Variants in CSMD1 observed in about 807,000 individuals in gnomAD.
The protein encoded by CSMD1 is CUB and Sushi multiple domains 1.
CSMD1 carries 213 observed loss-of-function variants against 417.5 expected under a neutral mutation model. That is an observed-to-expected ratio of 0.51 (90% CI 0.46 to 0.57). The LOEUF (loss-of-function observed/expected upper bound fraction) is 0.57. Ranked by LOEUF, CSMD1 falls within the 20% of genes least tolerant of loss-of-function variation. The probability of loss-of-function intolerance (pLI) is 0.00; values close to 1 mark genes in which losing one functional copy is unlikely to be tolerated. For missense variants in CSMD1, 6,923 were observed against 4,529.7 expected (o/e 1.53, Z -15.17); for synonymous variants, 2,862 against 1,736.8 (o/e 1.65, Z -16.11).
At chr8:4,259,161 C>G (rs935456723) in intron 3 of CSMD1, among the ~76,000 whole-genome samples, 2 of 152,132 alleles carry the variant, frequency 1.3e-5, no homozygotes, top group Non-Finnish European at 2.9e-5. Flanking sequence ...ATCTCACACA[C>G]GAAGCTAAGG....
intron 10 of CSMD1, among the ~76,000 whole-genome samples, chr8:3,505,804 T>A (rs1277766758): frequency 6.6e-6 from 1 of 152,150 alleles, no homozygotes; most frequent in East Asian, 1.9e-4. Context: ...TTTACAGATT[T>A]TTAAATGTCT....
intron 3 of CSMD1, among the ~76,000 whole-genome samples, chr8:4,286,827 G>A (rs1585161417): frequency 6.6e-6 from 1 of 152,252 alleles, no homozygotes; most frequent in South Asian, 2.1e-4. Flanking sequence ...TCTTTCAGTT[G>A]CTGTTGCTGT....
chr8:4,119,255 A>C (rs963357790), intron 3 of CSMD1, among the ~76,000 whole-genome samples: 12 of 152,160 alleles, frequency 7.9e-5, no homozygotes, highest in Non-Finnish European at 2.9e-5. Flanking sequence ...CTTAAAGTAA[A>C]ATTAAAAAAA....
intron 3 of CSMD1, among the ~76,000 whole-genome samples, chr8:4,268,763 C>G (rs1200876830): frequency 6.6e-6 from 1 of 151,596 alleles, no homozygotes; most frequent in Non-Finnish European, 1.5e-5. Flanking sequence ...AAAAAAAAAC[C>G]CACAAATATC....
intron 3 of CSMD1, among the ~76,000 whole-genome samples, chr8:4,177,551 C>G (rs1472661899): frequency 6.6e-6 from 1 of 151,950 alleles, no homozygotes; most frequent in Non-Finnish European, 1.5e-5. Context: ...ACATTCAAAG[C>G]TAGCAGAAGG....
At position 3,527,583 on chromosome 8, in the gene CSMD1, T is replaced by C. The variant is rs558550832; in HGVS notation, c.1345-33857A>G. Among the ~76,000 whole-genome samples, 24 of 151,880 alleles carry C rather than the reference T, an allele frequency of 1.6e-4. 1 individual carries two copies. The South Asian group carries it at 2.9e-3, about 18-fold the overall frequency. On this transcript the variant is annotated intron_variant, in intron 10 of 69. Transcript: ENST00000635120. Reference sequence around the variant, plus strand: ...TACCTGTGATAAAATCGCACAGAACTCTATACACACACACACACACGGGCA... The same window carrying C: ...TACCTGTGATAAAATCGCACAGAACCCTATACACACACACACACACGGGCA...
rs550280866 is a variant in CSMD1, at chr8:3,698,811, T to C, written c.1009+9603A>G. ...ATGTATCTGGTTATCTGGAAAATTA[T>C]GGCCTGATGAAAATGTCCGTGGGAA... On this transcript the variant is annotated intron_variant, in intron 7 of 69. Coordinates refer to ENST00000635120, the MANE Select transcript of CSMD1 (RefSeq NM_033225.6). 1.4e-4 allele frequency among the ~76,000 whole-genome samples: 22 copies of C among 152,372 alleles called. No homozygotes were observed. The South Asian group carries it at 4.1e-3, about 29-fold the overall frequency.
intron 3 of CSMD1, among the ~76,000 whole-genome samples, chr8:4,302,485 G>C (rs190011585): frequency 3.3e-5 from 5 of 152,136 alleles, no homozygotes; most frequent in South Asian, 2.1e-4. Context: ...CTGTGAAAAT[G>C]TAAGCTACTT....
At position 3,493,721 on chromosome 8, in the gene CSMD1, G is replaced by C. The variant is rs1379021377; in HGVS notation, c.1350C>G (p.Ile450Met). 2.5e-6 allele frequency: 4 copies of C among 1,609,040 alleles called. No individual in the cohort carries two copies. The highest frequency in any genetic ancestry group is 2.7e-5 in the African/African-American group (2 of 74,890). ...VITTTDPDKV[I>M]KLAFEEFELE... is the part of the protein sequence containing the mutation. ...GCTCAAACTCTTCAAAGGCAAGCTTGATGACCTAAATACAAGGTACGAAAC... is the reference window on the plus strand; with the variant it reads ...GCTCAAACTCTTCAAAGGCAAGCTTCATGACCTAAATACAAGGTACGAAAC... Residue 450 changes from isoleucine to methionine, a missense_variant, in exon 11 of 70, where the codon ATC becomes ATG. Ile to Met is a conservative substitution (Grantham distance 10). Coordinates refer to ENST00000635120, the MANE Select transcript of CSMD1 (RefSeq NM_033225.6).
intron 7 of CSMD1, among the ~76,000 whole-genome samples, chr8:3,649,108 A>G (rs1276447147): frequency 6.6e-6 from 1 of 152,200 alleles, no homozygotes; most frequent in African/African-American, 2.4e-5. Context: ...TTACTCAGTG[A>G]TTCAGTAGCA....
intron 8 of CSMD1, among the ~76,000 whole-genome samples, chr8:3,591,573 C>A (rs535748242): frequency 6.6e-6 from 1 of 152,278 alleles, no homozygotes; most frequent in South Asian, 2.1e-4. Context: ...CCGCTGTTTA[C>A]CAGAGATTAC....
chr8:4,671,939 G>C (rs1805356380), intron 1 of CSMD1, among the ~76,000 whole-genome samples: 1 of 152,198 alleles, frequency 6.6e-6, no homozygotes, highest in Non-Finnish European at 1.5e-5. Flanking sequence ...AGCTTTCTCA[G>C]TAGGGAGCAG....
chr8:3,936,068 C>G (rs1318014249), intron 5 of CSMD1, among the ~76,000 whole-genome samples: 55 of 151,784 alleles, frequency 3.6e-4, no homozygotes, highest in Admixed American at 3.6e-3. Flanking sequence ...GGGTAAAAGA[C>G]CAAAGCAGCC....
At chr8:4,362,323 A>C (rs1315301002) in intron 3 of CSMD1, among the ~76,000 whole-genome samples, 1 of 152,110 alleles carries the variant, frequency 6.6e-6, no homozygotes, top group Non-Finnish European at 1.5e-5. Context: ...CTGGGGTTGT[A>C]ACTGAACCTT....
intron 2 of CSMD1, among the ~76,000 whole-genome samples, chr8:4,602,196 G>A (rs1416647156): frequency 2.0e-5 from 3 of 152,126 alleles, no homozygotes; most frequent in Non-Finnish European, 2.9e-5. Flanking sequence ...ATGTCTTGAG[G>A]CATTGCCTTT....
At chr8:3,522,683 A>G (rs558042122) in intron 10 of CSMD1, among the ~76,000 whole-genome samples, 5 of 151,984 alleles carry the variant, frequency 3.3e-5, no homozygotes, top group Non-Finnish European at 7.3e-5. Context: ...TGAGGAGTAG[A>G]TCAGTCGTCC....
intron 5 of CSMD1, among the ~76,000 whole-genome samples, chr8:3,828,031 T>G (rs1387785571): frequency 1.3e-5 from 2 of 152,224 alleles, no homozygotes; most frequent in African/African-American, 4.8e-5. Context: ...TATATGGATT[T>G]GTGTGTGATA....
chr8:4,346,052 A>T (rs1462307071), intron 3 of CSMD1, among the ~76,000 whole-genome samples: 5 of 152,172 alleles, frequency 3.3e-5, no homozygotes, highest in Admixed American at 2.0e-4. Context: ...CAGATTGTTC[A>T]TGGTCCATGT....
intron 2 of CSMD1, among the ~76,000 whole-genome samples, chr8:4,560,322 A>G (rs1798273218): frequency 6.6e-6 from 1 of 152,186 alleles, no homozygotes; most frequent in Non-Finnish European, 1.5e-5. Flanking sequence ...AAAACAGGAT[A>G]CAGCACGTGG....
Sources: gnomAD v4.1 joint callset for allele counts (sites outside exome capture counted in the v4.1 genomes callset) on GRCh38, gnomAD v4.1.1 for gene constraint, MANE v1.5 for transcripts, NCBI Gene and HGNC (gene_info 2026-07-23, HGNC 2026-07-21) for gene names.